Variants in NECTIN4 observed in about 807,000 individuals in gnomAD.
NECTIN4 encodes nectin-4.
A neutral mutation model predicts 51.7 loss-of-function variants in NECTIN4; 19 were observed. The observed-to-expected ratio is 0.37, with a 90% CI of 0.26 to 0.54. The LOEUF (loss-of-function observed/expected upper bound fraction) is 0.54, where lower values mean the gene tolerates loss of function less well. Ranked by LOEUF, NECTIN4 falls within the 20% of genes least tolerant of loss-of-function variation. The pLI is 0.86. For missense variants in NECTIN4, 619 were observed against 662.4 expected (o/e 0.93, Z 0.72); for synonymous variants, 283 against 286.9 (o/e 0.99, Z 0.14).
At chr1:161,081,704 G>T (rs536846866) in intron 1 of NECTIN4, among the ~76,000 whole-genome samples, 1 of 151,964 alleles carries the variant, frequency 6.6e-6, no homozygotes, top group Non-Finnish European at 1.5e-5. Context: ...TGCTCACACC[G>T]TACCCGCTGC....
chr1:161,073,642 T>G, intron 7 of NECTIN4, 78 bp downstream of exon 7: 2 of 1,231,912 alleles, frequency 1.6e-6, no homozygotes, highest in Non-Finnish European at 2.4e-6. Flanking sequence ...GTGCTCCTGG[T>G]CTGCAGAGGG....
In NECTIN4 at chr1:161,072,588, G is replaced by A. The variant is rs1249850402; in HGVS notation, c.*73C>T. The A allele has an allele frequency of 1.4e-5, 18 of 1,267,658 alleles. No homozygotes were observed. The East Asian group carries it at 3.7e-4, about 26-fold the overall frequency. 78.5% of individuals were successfully genotyped at this position (1,267,658 alleles called of 1,614,324 possible). A position where few individuals can be genotyped will look rare whatever the true frequency, so the allele number is the denominator to read the frequency against. On this transcript the variant is annotated 3_prime_UTR_variant, in exon 9 of 9. Transcript: ENST00000368012. ...CGCAAGAAATGGGGGTGTTTAAGGA[G>A]GCCCCCAAGATGAGCTAAAATCTCC...
At chr1:161,078,939 G>A (rs1653540294) in intron 2 of NECTIN4, among the ~76,000 whole-genome samples, 2 of 152,122 alleles carry the variant, frequency 1.3e-5, no homozygotes, top group East Asian at 3.9e-4. Context: ...GTGAACCCGG[G>A]AGGCGGAGCT....
At chr1:161,079,468 C>A in intron 2 of NECTIN4, 122 bp downstream of exon 2, 1 of 1,356,832 alleles carries the variant, frequency 7.4e-7, no homozygotes, top group Non-Finnish European at 1.0e-6. Flanking sequence ...AGCTCCCTCA[C>A]CTGAACATGA....
Position 161,072,783 on chromosome 1 carries a change from C to T in NECTIN4, c.1411G>A (p.Glu471Lys), listed in dbSNP as rs747764624. Residue 471 changes from glutamate (E) to lysine (K), a missense_variant, in exon 9 of 9, where the codon GAG becomes AAG. Transcript: ENST00000368012. ...TTGATGCCTTCATCCTGATCTTCCT[C>T]CTCCTCGGCCCGCCCAGAGCCTGGA... ...LSPGSGRAEE[E>K]EDQDEGIKQA... 3.7e-6 allele frequency: 6 copies of T among 1,614,256 alleles called. No individual in the cohort carries two copies. The South Asian group carries it at 6.6e-5, about 18-fold the overall frequency.
chr1:161,076,283 G>A (rs1653409314), intron 4 of NECTIN4, 72 bp downstream of exon 4: 1 of 1,563,942 alleles, frequency 6.4e-7, no homozygotes, highest in South Asian at 1.1e-5. Context: ...CCATTCCATA[G>A]TGGTATATCC....
chr1:161,077,840 A>G, intron 2 of NECTIN4, 97 bp from the exon 3 acceptor site: 1 of 1,128,990 alleles, frequency 8.9e-7, no homozygotes, highest in Non-Finnish European at 1.2e-6. Context: ...ACAAACTTTC[A>G]GGCCCCCTTT....
chr1:161,078,384 T>C (rs1653515676), intron 2 of NECTIN4, among the ~76,000 whole-genome samples: 1 of 152,250 alleles, frequency 6.6e-6, no homozygotes, highest in Admixed American at 6.5e-5. Flanking sequence ...CTCGGCTCAC[T>C]GCAATCTCCG....
At chr1:161,087,887 T>C (rs977811202) in intron 1 of NECTIN4, among the ~76,000 whole-genome samples, 2 of 152,176 alleles carry the variant, frequency 1.3e-5, no homozygotes, top group African/African-American at 4.8e-5. Context: ...TTTGATCTCT[T>C]CCAAGTCCTG....
Position 161,079,582 on chromosome 1 carries a change from C to T in NECTIN4, c.439+8G>A. 6.2e-7 allele frequency: 1 copy of T among 1,602,668 alleles called. No individual in the cohort carries two copies. ...CGGCTCAGACCGTACCCAGAGATCC[C>T]CGCTTACCCAGCACTCGGAGCCGCA... On this transcript the variant is annotated splice_region_variant and intron_variant, in intron 2 of 8. Coordinates refer to ENST00000368012, the MANE Select transcript of NECTIN4 (RefSeq NM_030916.3).
intron 1 of NECTIN4, among the ~76,000 whole-genome samples, chr1:161,088,691 T>C (rs1167917664): frequency 6.6e-6 from 1 of 152,182 alleles, no homozygotes; most frequent in African/African-American, 2.4e-5. Context: ...CCAGTCCTGG[T>C]GCTCTAGAAC....
chr1:161,074,835 C>T (rs1292719289), intron 4 of NECTIN4, 76 bp from the exon 5 acceptor site: 2 of 1,462,868 alleles, frequency 1.4e-6, no homozygotes, highest in Non-Finnish European at 1.9e-6. Flanking sequence ...CCAGACAGCT[C>T]TCCACCCTCC....
Position 161,074,231 on chromosome 1 carries a change from C to T in NECTIN4, c.1143G>A (p.Gln381=), listed in dbSNP as rs758790903. 2.5e-6 allele frequency: 4 copies of T among 1,614,048 alleles called. No individual in the cohort carries two copies. Among genetic ancestry groups the T allele is most frequent in the African/African-American group, 1.3e-5 (1 of 74,900 alleles). The change falls in exon 6 of 9, where the codon CAG becomes CAA. Residue 381 remains glutamine, a synonymous_variant. Transcript: ENST00000368012. ...MSRYHRRKAQ[Q]MTQKYEEELT... ...CCAGTACTCACTATTTCTGGGTCAT[C>T]TGCTGGGCCTTGCGCCGATGGTATC...
rs1307229557 is a variant in NECTIN4 at position 161,076,358 on chromosome 1, G to A, written c.848C>T (p.Thr283Ile). ...EGQPPPSYNW[T>I]RLDGPLPSGV... ...TTCCTCAGGCTCGGGCCCTTACCGT[G>A]TCCAGTTGTATGAGGGAGGGGGCTG... Residue 283 changes from threonine to isoleucine, a missense_variant, in exon 4 of 9, where the codon ACA becomes ATA. Physicochemically the swap from Thr to Ile is moderately conservative, Grantham distance 89. Transcript: ENST00000368012. 1.2e-6 allele frequency: 2 copies of A among 1,614,152 alleles called. No homozygotes were observed. The highest frequency in any genetic ancestry group is 1.3e-5 in the African/African-American group (1 of 75,034).
At chr1:161,073,020 C>T in intron 8 of NECTIN4, 135 bp from the exon 9 acceptor site, 1 of 975,708 alleles carries the variant, frequency 1.0e-6, no homozygotes, top group Non-Finnish European at 1.6e-6. Context: ...CATAGGGGCC[C>T]AGAGATCGGG....
intron 7 of NECTIN4, 41 bp from the exon 8 acceptor site, chr1:161,073,340 C>A: frequency 6.4e-7 from 1 of 1,551,762 alleles, no homozygotes; most frequent in Non-Finnish European, 8.9e-7. Context: ...CAGGGCTCAG[C>A]CTCCTCCCCT....
chr1:161,086,643 G>A (rs1409961425), intron 1 of NECTIN4, among the ~76,000 whole-genome samples: 1 of 152,132 alleles, frequency 6.6e-6, no homozygotes, highest in African/African-American at 2.4e-5. Flanking sequence ...GCAAGAGATG[G>A]GGGAGGGAGA....
Position 161,071,048 on chromosome 1 carries a change from T to TG in NECTIN4, c.*1612dup, listed in dbSNP as rs1352286939. ...CAGAATATCATTTTATGTACAAATA[T>TG]GCACATATTTACATAAAATGTACAT... On this transcript the variant is annotated 3_prime_UTR_variant, in exon 9 of 9. Transcript: ENST00000368012. The TG allele has an allele frequency of 3.9e-5, 6 of 152,238 alleles. No homozygotes were observed. Among genetic ancestry groups the TG allele is most frequent in the Non-Finnish European group, 8.8e-5 (6 of 68,048 alleles). The allele number at this position is 152,238 out of a possible 1,614,324, so 9.4% of individuals were successfully genotyped here. A position where few individuals can be genotyped will look rare whatever the true frequency, so the allele number is the denominator to read the frequency against.
Position 161,073,801 on chromosome 1 carries a change from A to G in NECTIN4, c.1158-6T>C. On this transcript the variant is annotated splice_region_variant and splice_polypyrimidine_tract_variant and intron_variant, in intron 6 of 8. Coordinates refer to ENST00000368012, the MANE Select transcript of NECTIN4 (RefSeq NM_030916.3). ...TCAGGGTCAGCTCCTCCTCACTGGGAAAGACACACCCTTGTCAGGAGCTGA... is the reference window on the plus strand; with the variant it reads ...TCAGGGTCAGCTCCTCCTCACTGGGGAAGACACACCCTTGTCAGGAGCTGA... The G allele has an allele frequency of 6.2e-7, 1 of 1,613,468 alleles. No homozygotes were observed. Among genetic ancestry groups the G allele is most frequent in the Admixed American group, 1.7e-5 (1 of 60,026 alleles).
Sources: gnomAD v4.1 joint callset for allele counts (sites outside exome capture counted in the v4.1 genomes callset) on GRCh38, gnomAD v4.1.1 for gene constraint, MANE v1.5 for transcripts, NCBI Gene and HGNC (gene_info 2026-07-23, HGNC 2026-07-21) for gene names.